ABCC4: variants seen among roughly 807,000 people sequenced by gnomAD.
ABCC4 encodes ATP binding cassette subfamily C member 4 (PEL blood group), also known as ATP-binding cassette sub-family C member 4.
A neutral mutation model predicts 168.5 loss-of-function variants in ABCC4; 102 were observed. The observed-to-expected ratio is 0.61, with a 90% CI of 0.52 to 0.71. ABCC4 has a LOEUF of 0.71. Ranked by LOEUF, ABCC4 falls within the 30% of genes least tolerant of loss-of-function variation. The pLI is 0.00. For missense variants in ABCC4, 1,402 were observed against 1,605.8 expected, an observed-to-expected ratio of 0.87 and a Z score of 2.17; for synonymous variants, 617 against 590.7, an observed-to-expected ratio of 1.04 and a Z score of -0.65.
intron 4 of ABCC4, among the ~76,000 whole-genome samples, chr13:95,211,299 C>A (rs2038950054): frequency 6.6e-6 from 1 of 152,156 alleles, no homozygotes; most frequent in Non-Finnish European, 1.5e-5. Context: ...GGAGCCCCAG[C>A]AGATACAGTG....
At chr13:95,216,624 A>AAC (rs1347101478) in intron 4 of ABCC4, among the ~76,000 whole-genome samples, 2 of 151,440 alleles carry the variant, frequency 1.3e-5, no homozygotes, top group African/African-American at 4.8e-5. Flanking sequence ...AAAAAAAAAA[A>AAC]AAAAAAAACC....
At chr13:95,240,255 A>C (rs1002483394) in intron 3 of ABCC4, among the ~76,000 whole-genome samples, 1 of 152,246 alleles carries the variant, frequency 6.6e-6, no homozygotes, top group African/African-American at 2.4e-5. Context: ...TAGAAAGTAC[A>C]CACGCGGCTG....
chr13:95,195,077 G>A (rs1292180496), intron 8 of ABCC4, 140 bp from the exon 9 acceptor site: 5 of 633,432 alleles, frequency 7.9e-6, no homozygotes, highest in Non-Finnish European at 1.1e-5. Flanking sequence ...TAAAGTATCG[G>A]TTCACATCAG....
At chr13:95,214,379 C>G (rs1266489396) in intron 4 of ABCC4, among the ~76,000 whole-genome samples, 4 of 152,028 alleles carry the variant, frequency 2.6e-5, no homozygotes, top group African/African-American at 7.2e-5. Flanking sequence ...AATATTTGAA[C>G]AAATAATGAC....
chr13:95,123,094 G>GCT (rs2035632228), intron 19 of ABCC4, among the ~76,000 whole-genome samples: 1 of 152,184 alleles, frequency 6.6e-6, no homozygotes, highest in Non-Finnish European at 1.5e-5. Context: ...ACTGGAAGAT[G>GCT]CTAGGTGAGA....
intron 26 of ABCC4, chr13:95,054,021 CTTTTT>C (rs55980425): frequency 3.1e-4 from 22 of 71,602 alleles, no homozygotes; most frequent in African/African-American, 1.5e-3. Flanking sequence ...ATGGGACATC[CTTTTT>C]TTTTTTTTTT....
intron 19 of ABCC4, among the ~76,000 whole-genome samples, chr13:95,132,125 G>A (rs912348816): frequency 2.6e-5 from 4 of 152,140 alleles, no homozygotes; most frequent in African/African-American, 9.7e-5. Context: ...GTGTGGGATT[G>A]GTTCCAGGAC....
chr13:95,158,101 T>A (rs1484608556), intron 19 of ABCC4, among the ~76,000 whole-genome samples: 1 of 150,560 alleles, frequency 6.6e-6, no homozygotes, highest in Non-Finnish European at 1.5e-5. Context: ...AAACAGAAAC[T>A]TCGCTGCTGA....
At chr13:95,056,314 T>C (rs1470801096) in intron 26 of ABCC4, among the ~76,000 whole-genome samples, 1 of 152,178 alleles carries the variant, frequency 6.6e-6, no homozygotes, top group Admixed American at 6.5e-5. Flanking sequence ...CATCTCCCTG[T>C]GTCAAGAATC....
chr13:95,278,672 C>T (rs1166909497), intron 1 of ABCC4, among the ~76,000 whole-genome samples: 1 of 151,908 alleles, frequency 6.6e-6, no homozygotes, highest in Non-Finnish European at 1.5e-5. Context: ...TGGTGCATGC[C>T]TATAGTCCCA....
At chr13:95,160,485 T>C (rs1336794328) in intron 19 of ABCC4, among the ~76,000 whole-genome samples, 1 of 152,056 alleles carries the variant, frequency 6.6e-6, no homozygotes, top group African/African-American at 2.4e-5. Flanking sequence ...ATCAACCACT[T>C]GGAAAATACT....
At chr13:95,120,557 G>A (rs2035532476) in intron 19 of ABCC4, among the ~76,000 whole-genome samples, 1 of 122,962 alleles carries the variant, frequency 8.1e-6, no homozygotes, top group Non-Finnish European at 1.6e-5. Flanking sequence ...GCGACAGAAC[G>A]AGACTCCGTC....
At chr13:95,052,225 C>T (rs2032874291) in intron 27 of ABCC4, among the ~76,000 whole-genome samples, 1 of 152,038 alleles carries the variant, frequency 6.6e-6, no homozygotes, top group Admixed American at 6.5e-5. Flanking sequence ...CAGTGATTCA[C>T]CCACCTCAGA....
chr13:95,179,131 C>A (rs1476775578), intron 11 of ABCC4, among the ~76,000 whole-genome samples: 1 of 152,178 alleles, frequency 6.6e-6, no homozygotes, highest in Non-Finnish European at 1.5e-5. Context: ...GAGACCCAAC[C>A]GTGAGGGCTG....
intron 20 of ABCC4, among the ~76,000 whole-genome samples, chr13:95,106,630 T>G (rs1356678311): frequency 6.6e-6 from 1 of 152,048 alleles, no homozygotes; most frequent in African/African-American, 2.4e-5. Flanking sequence ...TATATCTACA[T>G]TTTACATGTG....
At chr13:95,285,081 A>T (rs1487340330) in intron 1 of ABCC4, among the ~76,000 whole-genome samples, 1 of 151,858 alleles carries the variant, frequency 6.6e-6, no homozygotes, top group African/African-American at 2.4e-5. Context: ...TCTCGTCTCT[A>T]CAAAAAATAA....
chr13:95,257,173 T>C (rs2040412704), intron 1 of ABCC4, among the ~76,000 whole-genome samples: 1 of 152,258 alleles, frequency 6.6e-6, no homozygotes, highest in Non-Finnish European at 1.5e-5. Context: ...ATGTATTATA[T>C]ACTACATTCT....
chr13:95,186,105 A>AG (rs2038049484), intron 11 of ABCC4, among the ~76,000 whole-genome samples: 1 of 152,040 alleles, frequency 6.6e-6, no homozygotes, highest in Non-Finnish European at 1.5e-5. Context: ...GAGATACTAA[A>AG]GCACTGTAAT....
intron 20 of ABCC4, among the ~76,000 whole-genome samples, chr13:95,098,417 G>A (rs1482230138): frequency 2.0e-5 from 3 of 151,646 alleles, no homozygotes; most frequent in African/African-American, 7.3e-5. Context: ...TGAATTCACT[G>A]GAAAAAAAAT....
Sources: allele counts gnomAD v4.1 joint callset (sites outside exome capture counted in the v4.1 genomes callset), GRCh38; gene constraint gnomAD v4.1.1; transcripts MANE v1.5; gene names NCBI Gene and HGNC (gene_info 2026-07-23, HGNC 2026-07-21).